The following PACRG variants were observed in gnomAD, a reference collection of about 807,000 sequenced individuals.
PACRG encodes the protein parkin coregulated gene protein.
PACRG carries 29 observed loss-of-function variants against 29.7 expected under a neutral mutation model. That is an observed-to-expected ratio of 0.98 (90% confidence interval 0.73 to 1.33). PACRG has a LOEUF of 1.33. Ranked by LOEUF, PACRG falls within the 40% of genes most tolerant of loss-of-function variation. The pLI, the probability that PACRG is intolerant of heterozygous loss-of-function variation, is 0.00. For missense variants in PACRG, 279 were observed against 316.2 expected (o/e 0.88, Z 0.89); for synonymous variants, 116 against 118.7 (o/e 0.98, Z 0.15).
At chr6:163,231,375 A>C (rs897479788) in intron 4 of PACRG, among the ~76,000 whole-genome samples, 1 of 152,202 alleles carries the variant, frequency 6.6e-6, no homozygotes, top group African/African-American at 2.4e-5. Context: ...ACATGGCCAG[A>C]GTTCCCTGCC....
chr6:163,163,988 T>C (rs16894586), intron 4 of PACRG, among the ~76,000 whole-genome samples: 1 of 152,078 alleles, frequency 6.6e-6, no homozygotes, highest in African/African-American at 2.4e-5. Context: ...CTTTCTCAGA[T>C]AAGCAGAAAT....
At chr6:163,240,082 A>C (rs370971983) in intron 4 of PACRG, among the ~76,000 whole-genome samples, 2,026 of 136,118 alleles carry the variant, frequency 0.015, 23 homozygotes, top group African/African-American at 0.032. Flanking sequence ...CCACCCCCCC[A>C]CACACACTCA....
chr6:163,149,855 C>G (rs116881103), intron 4 of PACRG, among the ~76,000 whole-genome samples: 2 of 152,206 alleles, frequency 1.3e-5, no homozygotes, highest in African/African-American at 4.8e-5. Context: ...CTGTTGCTCC[C>G]GTTGGCTTAC....
intron 4 of PACRG, among the ~76,000 whole-genome samples, chr6:163,172,956 G>T (rs1163906556): frequency 1.3e-5 from 2 of 152,166 alleles, no homozygotes; most frequent in Non-Finnish European, 2.9e-5. Flanking sequence ...ATCATGTTTT[G>T]TTCTCATAAT....
intron 4 of PACRG, among the ~76,000 whole-genome samples, chr6:163,230,487 T>A (rs6455873): frequency 0.57 from 86,044 of 151,964 alleles, 25,038 homozygotes; most frequent in African/African-American, 0.7. Context: ...AGGGAGAAAA[T>A]AAACTAGTTA....
intron 4 of PACRG, among the ~76,000 whole-genome samples, chr6:163,132,529 G>C (rs1465988457): frequency 6.6e-6 from 1 of 152,138 alleles, no homozygotes; most frequent in Non-Finnish European, 1.5e-5. Flanking sequence ...ATTTGTGCGT[G>C]CCCTGTGGTT....
chr6:163,285,026 G>A (rs1483247497), intron 4 of PACRG, among the ~76,000 whole-genome samples: 1 of 152,128 alleles, frequency 6.6e-6, no homozygotes, highest in African/African-American at 2.4e-5. Context: ...TGTCCAAACA[G>A]CAGCCTCGAC....
chr6:163,259,548 C>T (rs1783242497), intron 4 of PACRG, among the ~76,000 whole-genome samples: 1 of 152,174 alleles, frequency 6.6e-6, no homozygotes, highest in Admixed American at 6.5e-5. Context: ...CGGAAGACAG[C>T]TCCGAATTCT....
At chr6:163,247,004 C>T (rs1321501365) in intron 4 of PACRG, among the ~76,000 whole-genome samples, 1 of 152,182 alleles carries the variant, frequency 6.6e-6, no homozygotes, top group Non-Finnish European at 1.5e-5. Flanking sequence ...TGGGCCTTTT[C>T]AAATGGCTGT....
chr6:163,046,214 C>T (rs1396735699), intron 2 of PACRG, among the ~76,000 whole-genome samples: 1 of 151,062 alleles, frequency 6.6e-6, no homozygotes, highest in Non-Finnish European at 1.5e-5. Flanking sequence ...AACACTCACC[C>T]CTCCTCATCT....
chr6:163,064,147 T>C (rs1811334915), intron 3 of PACRG, among the ~76,000 whole-genome samples: 1 of 152,018 alleles, frequency 6.6e-6, no homozygotes, highest in Admixed American at 6.5e-5. Flanking sequence ...GGTCTCTCCC[T>C]CAGAGTCCAC....
At chr6:162,987,964 G>T (rs1242656897) in intron 2 of PACRG, among the ~76,000 whole-genome samples, 1 of 152,200 alleles carries the variant, frequency 6.6e-6, no homozygotes, top group African/African-American at 2.4e-5. Flanking sequence ...GTCATGAGTT[G>T]CTGTAATGTC....
At chr6:162,804,049 A>G (rs917753176) in intron 1 of PACRG, among the ~76,000 whole-genome samples, 2 of 152,194 alleles carry the variant, frequency 1.3e-5, no homozygotes, top group African/African-American at 4.8e-5. Context: ...ACATCGAAAC[A>G]TATTAAACTA....
intron 1 of PACRG, among the ~76,000 whole-genome samples, chr6:162,808,132 T>A (rs1160471618): frequency 6.6e-6 from 1 of 152,164 alleles, no homozygotes. Context: ...GTGAAGCAAT[T>A]ACAGTTGGCA....
chr6:162,727,541 G>T, upstream of PACRG: 1 of 1,122,190 alleles, frequency 8.9e-7, no homozygotes, highest in Non-Finnish European at 1.3e-6. Context: ...GACGGCACGG[G>T]CACTTTGGCC....
chr6:162,869,798 C>T (rs573681163), intron 2 of PACRG, among the ~76,000 whole-genome samples: 11 of 152,140 alleles, frequency 7.2e-5, no homozygotes, highest in Non-Finnish European at 1.6e-4. Context: ...TCTTCCATAA[C>T]ATTTTATTAT....
chr6:163,134,366 T>A (rs1424775062), intron 4 of PACRG, among the ~76,000 whole-genome samples: 1 of 152,244 alleles, frequency 6.6e-6, no homozygotes, highest in African/African-American at 2.4e-5. Flanking sequence ...ACATTTACCT[T>A]GACCCCTGCA....
intron 4 of PACRG, among the ~76,000 whole-genome samples, chr6:163,144,629 C>A (rs1777722415): frequency 6.6e-6 from 1 of 151,970 alleles, no homozygotes. Flanking sequence ...ATTAGTTGGG[C>A]ATGGTGGCGC....
chr6:163,121,523 G>A (rs1332617039), intron 4 of PACRG, among the ~76,000 whole-genome samples: 3 of 152,134 alleles, frequency 2.0e-5, no homozygotes, highest in Non-Finnish European at 2.9e-5. Context: ...ATCCAGGACT[G>A]CTGCGGCCTC....
Sources: gnomAD v4.1 joint callset for allele counts (sites outside exome capture counted in the v4.1 genomes callset) on GRCh38, gnomAD v4.1.1 for gene constraint, MANE v1.5 for transcripts, NCBI Gene and HGNC (gene_info 2026-07-23, HGNC 2026-07-21) for gene names.